The following LRRC4C variants were observed in gnomAD, a reference collection of about 807,000 sequenced individuals.
The protein encoded by LRRC4C is leucine rich repeat containing 4C.
LRRC4C carries 5 observed loss-of-function variants against 33.6 expected under a neutral mutation model. The observed-to-expected ratio is 0.15, with a 90% confidence interval of 0.08 to 0.31. The LOEUF (loss-of-function observed/expected upper bound fraction) is 0.31. LRRC4C is among the 10% of genes least tolerant of loss of function. The pLI, the probability that LRRC4C is intolerant of heterozygous loss-of-function variation, is 1.00. For missense variants in LRRC4C, 560 were observed against 796.7 expected (o/e 0.70, Z 3.58); for synonymous variants, 329 against 302.0 (o/e 1.09, Z -0.93).
intron 1 of LRRC4C, among the ~76,000 whole-genome samples, chr11:40,963,251 G>T (rs940214133): frequency 1.3e-5 from 2 of 151,644 alleles, no homozygotes; most frequent in Non-Finnish European, 3.0e-5. Flanking sequence ...TTAATACAAT[G>T]CAATGCTATT....
At chr11:40,320,903 CG>C (rs759745386) in intron 3 of LRRC4C, among the ~76,000 whole-genome samples, 1 of 152,038 alleles carries the variant, frequency 6.6e-6, no homozygotes, top group Non-Finnish European at 1.5e-5. Flanking sequence ...GCTTCTCTCT[CG>C]AGCATGAGTT....
At chr11:40,203,070 C>A (rs757528337) in intron 5 of LRRC4C, among the ~76,000 whole-genome samples, 1 of 152,236 alleles carries the variant, frequency 6.6e-6, no homozygotes, top group African/African-American at 2.4e-5. Flanking sequence ...GAAATCCTAG[C>A]CACTGTAATA....
chr11:41,164,269 T>G (rs1262027813), intron 1 of LRRC4C, among the ~76,000 whole-genome samples: 3 of 150,368 alleles, frequency 2.0e-5, no homozygotes, highest in Non-Finnish European at 4.4e-5. Context: ...TGACAGAGGG[T>G]CAGGGTCATA....
chr11:41,425,878 C>T (rs563576456), intron 1 of LRRC4C, among the ~76,000 whole-genome samples: 203 of 152,062 alleles, frequency 1.3e-3, no homozygotes, highest in African/African-American at 4.6e-3. Context: ...GGAGTGAGCA[C>T]GTGGGTAAGG....
At chr11:41,297,424 C>T (rs1445088295) in intron 1 of LRRC4C, among the ~76,000 whole-genome samples, 1 of 152,044 alleles carries the variant, frequency 6.6e-6, no homozygotes, top group Non-Finnish European at 1.5e-5. Flanking sequence ...GTATTCTCTC[C>T]AGCTCTATTT....
intron 3 of LRRC4C, among the ~76,000 whole-genome samples, chr11:40,327,643 A>G (rs1016843313): frequency 1.3e-5 from 2 of 152,044 alleles, no homozygotes; most frequent in African/African-American, 4.8e-5. Context: ...TTCCCTTAAT[A>G]AACATTTACT....
chr11:40,577,633 G>T (rs1958247731), intron 3 of LRRC4C, among the ~76,000 whole-genome samples: 1 of 152,074 alleles, frequency 6.6e-6, no homozygotes, highest in Non-Finnish European at 1.5e-5. Flanking sequence ...CTGGCATCAA[G>T]TCAGTAAAGT....
At chr11:40,199,804 T>C (rs561068232) in intron 5 of LRRC4C, among the ~76,000 whole-genome samples, 1 of 152,164 alleles carries the variant, frequency 6.6e-6, no homozygotes, top group Non-Finnish European at 1.5e-5. Context: ...TATTACAGAA[T>C]ATGAGAATCA....
chr11:40,382,899 T>C lies in LRRC4C; in HGVS notation c.-269-63178A>G, dbSNP rs147297961. 9.3e-3 allele frequency among the ~76,000 whole-genome samples: 1,407 copies of C among 152,022 alleles called. 19 individuals are homozygous for C. The highest frequency in any genetic ancestry group is 0.033 in the African/African-American group (1,357 of 41,452). On this transcript the variant is annotated intron_variant, in intron 3 of 6. Transcript: ENST00000528697. ...TAGTAGAGAAGGGGTTTCACCGTGT[T>C]AGCCAGGATGGTGTCGATCTCCTGA...
chr11:41,171,060 T>C (rs577384941), intron 1 of LRRC4C, among the ~76,000 whole-genome samples: 31 of 152,040 alleles, frequency 2.0e-4, no homozygotes, highest in African/African-American at 7.5e-4. Context: ...TGAGATACCA[T>C]CTCACACCAG....
intron 3 of LRRC4C, among the ~76,000 whole-genome samples, chr11:40,508,359 C>G (rs753467227): frequency 9.9e-5 from 15 of 151,964 alleles, no homozygotes; most frequent in Non-Finnish European, 1.8e-4. Flanking sequence ...ACACAAAAAA[C>G]AGAGGTAGAC....
At chr11:40,357,446 C>T (rs1343325858) in intron 3 of LRRC4C, among the ~76,000 whole-genome samples, 1 of 152,068 alleles carries the variant, frequency 6.6e-6, no homozygotes, top group Non-Finnish European at 1.5e-5. Context: ...GTTCATTTAG[C>T]CTTTCACTTA....
At chr11:40,930,295 T>C (rs1957565684) in intron 2 of LRRC4C, among the ~76,000 whole-genome samples, 1 of 152,170 alleles carries the variant, frequency 6.6e-6, no homozygotes, top group African/African-American at 2.4e-5. Flanking sequence ...CTGATTTCAC[T>C]TTTTCTTTCT....
intron 3 of LRRC4C, among the ~76,000 whole-genome samples, chr11:40,580,445 C>T (rs961032039): frequency 1.3e-5 from 2 of 152,086 alleles, no homozygotes; most frequent in Admixed American, 6.5e-5. Flanking sequence ...AGGTCCCTAC[C>T]TCAACACCTG....
chr11:41,313,572 G>A (rs1950700922), intron 1 of LRRC4C, among the ~76,000 whole-genome samples: 1 of 152,158 alleles, frequency 6.6e-6, no homozygotes, highest in East Asian at 1.9e-4. Context: ...TCTTGAGACA[G>A]TGCTCATTTA....
intron 3 of LRRC4C, among the ~76,000 whole-genome samples, chr11:40,483,171 A>T (rs1271359510): frequency 2.0e-5 from 3 of 152,194 alleles, no homozygotes; most frequent in African/African-American, 7.2e-5. Context: ...TTAGGGCATG[A>T]AAGCTGAGAG....
chr11:40,186,177 A>C (rs1027087150), intron 5 of LRRC4C, among the ~76,000 whole-genome samples: 6 of 152,148 alleles, frequency 3.9e-5, no homozygotes, highest in African/African-American at 1.2e-4. Flanking sequence ...TTAATGGGGG[A>C]ATGAATACAT....
intron 2 of LRRC4C, among the ~76,000 whole-genome samples, chr11:40,708,386 G>A (rs1946279824): frequency 1.3e-5 from 2 of 152,192 alleles, no homozygotes; most frequent in Non-Finnish European, 2.9e-5. Context: ...TGCTTTAAAT[G>A]TGTCCCAGAG....
intron 1 of LRRC4C, among the ~76,000 whole-genome samples, chr11:41,026,485 T>G (rs922213303): frequency 6.6e-6 from 1 of 151,616 alleles, no homozygotes; most frequent in Admixed American, 6.6e-5. Context: ...ATTTAGAATA[T>G]TCCATAAACT....
Sources: allele counts gnomAD v4.1 joint callset (sites outside exome capture counted in the v4.1 genomes callset), GRCh38; gene constraint gnomAD v4.1.1; transcripts MANE v1.5; gene names NCBI Gene and HGNC (gene_info 2026-07-23, HGNC 2026-07-21).